The following ZCWPW2 variants were observed in gnomAD, a reference collection of about 807,000 sequenced individuals.
ZCWPW2 encodes the protein zinc finger CW-type PWWP domain protein 2.
ZCWPW2 carries 45 observed loss-of-function variants against 46.6 expected under a neutral mutation model. The ratio of observed to expected loss-of-function variants is 0.96; its 90% CI spans 0.76 to 1.24. The LOEUF (loss-of-function observed/expected upper bound fraction) is 1.24. ZCWPW2 is among the 50% of genes most tolerant of loss of function. The probability of loss-of-function intolerance (pLI) is 0.00; values close to 1 mark genes in which losing one functional copy is unlikely to be tolerated. For missense variants in ZCWPW2, 429 were observed against 403.9 expected (o/e 1.06, Z -0.53); for synonymous variants, 152 against 137.1 (o/e 1.11, Z -0.76).
At chr3:28,358,271 A>G in intron 1 of ZCWPW2, among the ~76,000 whole-genome samples, 1 of 152,042 alleles carries the variant, frequency 6.6e-6, no homozygotes, top group Non-Finnish European at 1.5e-5. Flanking sequence ...ACTCCTTAAC[A>G]TTTTTTAAAA....
rs570353215 is a variant in ZCWPW2 at position 28,409,364 on chromosome 3, C to T, written c.-13-3692C>T. ...TGAACTCCTGACCTCAAATGATTCA[C>T]CAGCTTCAGCCCCTCAAAGTGCTGG... On this transcript the variant is annotated intron_variant, in intron 2 of 9. Transcript: ENST00000383768. Among the ~76,000 whole-genome samples, 3 of 152,182 alleles carry T rather than the reference C, an allele frequency of 2.0e-5. No individual in the cohort carries two copies. The South Asian group carries it at 6.2e-4, about 32-fold the overall frequency.
rs191845158 is a variant in ZCWPW2 at position 28,473,582 on chromosome 3, A to G, written c.493-5232A>G. Among the ~76,000 whole-genome samples the G allele has an allele frequency of 7.2e-5, 11 of 152,316 alleles. 1 individual carries two copies. Among genetic ancestry groups the G allele is most frequent in the African/African-American group, 2.6e-4 (11 of 41,572 alleles). ...TTATTGAAGAGATAATCTACACTCT[A>G]ATGTTTATTGTAGCACTGTTCACAG... On this transcript the variant is annotated intron_variant, in intron 4 of 9. Transcript: ENST00000383768.
intron 2 of ZCWPW2, among the ~76,000 whole-genome samples, chr3:28,412,472 A>G (rs1447493765): frequency 6.6e-6 from 1 of 152,082 alleles, no homozygotes; most frequent in Non-Finnish European, 1.5e-5. Context: ...CATGCAATAT[A>G]TATACTCAAG....
At chr3:28,426,431 T>C (rs2125753878) in intron 3 of ZCWPW2, among the ~76,000 whole-genome samples, 1 of 152,138 alleles carries the variant, frequency 6.6e-6, no homozygotes, top group African/African-American at 2.4e-5. Flanking sequence ...GTCATAAATA[T>C]GAAAATTAAT....
At chr3:28,499,825 T>G (rs893404353) in intron 6 of ZCWPW2, among the ~76,000 whole-genome samples, 1 of 152,074 alleles carries the variant, frequency 6.6e-6, no homozygotes, top group Non-Finnish European at 1.5e-5. Context: ...TCTGATTGAT[T>G]TGTAGGCATA....
intron 2 of ZCWPW2, among the ~76,000 whole-genome samples, chr3:28,410,340 A>C (rs1696352704): frequency 6.6e-6 from 1 of 152,016 alleles, no homozygotes; most frequent in Non-Finnish European, 1.5e-5. Flanking sequence ...ACAATCATAA[A>C]ATTTTATTTA....
chr3:28,492,067 A>G, intron 5 of ZCWPW2, 60 bp from the exon 6 acceptor site: 3 of 1,494,914 alleles, frequency 2.0e-6, no homozygotes, highest in South Asian at 1.2e-5. Flanking sequence ...GTAATTCAGT[A>G]TTTATTTGAA....
intron 5 of ZCWPW2, among the ~76,000 whole-genome samples, chr3:28,483,983 T>G (rs1699513162): frequency 6.6e-6 from 1 of 152,176 alleles, no homozygotes; most frequent in Non-Finnish European, 1.5e-5. Context: ...ATTTATTGTC[T>G]TACTGCGTTA....
chr3:28,450,238 C>T (rs761920111), intron 4 of ZCWPW2, among the ~76,000 whole-genome samples: 6 of 152,128 alleles, frequency 3.9e-5, no homozygotes, highest in Non-Finnish European at 8.8e-5. Flanking sequence ...TTATAGCTTT[C>T]TGTTGGCTTT....
rs184539615 is a variant in ZCWPW2 at position 28,452,668 on chromosome 3, A to G, written c.492+17399A>G. 3.7e-3 allele frequency among the ~76,000 whole-genome samples: 559 copies of G among 152,306 alleles called. 2 individuals are homozygous for G. Among genetic ancestry groups the G allele is most frequent in the African/African-American group, 0.013 (541 of 41,566 alleles). ...ATATGAGTGTTAATTGAGATAATAC[A>G]TGTAAAGCATTTAGCATGTGCTTGT... On this transcript the variant is annotated intron_variant, in intron 4 of 9. Coordinates refer to ENST00000383768, the MANE Select transcript of ZCWPW2 (RefSeq NM_001040432.4).
chr3:28,443,249 C>T (rs1445451317), intron 4 of ZCWPW2, among the ~76,000 whole-genome samples: 1 of 152,122 alleles, frequency 6.6e-6, no homozygotes, highest in Non-Finnish European at 1.5e-5. Context: ...CTGATCATTT[C>T]CAGTGCACAG....
chr3:28,491,343 CA>C lies in ZCWPW2; in HGVS notation c.611-782del, dbSNP rs538626275. 1.2e-4 allele frequency among the ~76,000 whole-genome samples: 18 copies of C among 152,040 alleles called. No individual in the cohort carries two copies. In the South Asian group the frequency reaches 2.9e-3, roughly 25 times the overall value. On this transcript the variant is annotated intron_variant, in intron 5 of 9. Transcript: ENST00000383768. ...TATATTTTATGACAACAGTTGTAAC[CA>C]ATAGATACATATACACACATACATA...
In ZCWPW2 at chr3:28,502,109, C is replaced by T. The variant is rs370762771; in HGVS notation, c.657+9936C>T. Among the ~76,000 whole-genome samples, 271 of 152,188 alleles carry T rather than the reference C, an allele frequency of 1.8e-3. 1 individual carries two copies. The highest frequency in any genetic ancestry group is 6.1e-3 in the African/African-American group (255 of 41,552). On this transcript the variant is annotated intron_variant, in intron 6 of 9. Transcript: ENST00000383768. ...GCCTCCTTACAGAGCAGTATTAAAA[C>T]GCCCTTCCAGAGGGTGATTTTAACA...
chr3:28,455,058 A>G (rs982406156), intron 4 of ZCWPW2, among the ~76,000 whole-genome samples: 1 of 152,200 alleles, frequency 6.6e-6, no homozygotes, highest in African/African-American at 2.4e-5. Flanking sequence ...AGGAATCACC[A>G]CACTGTCTTC....
chr3:28,400,123 T>C (rs769120279), intron 2 of ZCWPW2, among the ~76,000 whole-genome samples: 6 of 152,062 alleles, frequency 3.9e-5, no homozygotes, highest in African/African-American at 9.7e-5. Flanking sequence ...GACACACTTA[T>C]AGAAATGCAA....
At chr3:28,434,119 C>T (rs1156513316) in intron 3 of ZCWPW2, among the ~76,000 whole-genome samples, 2 of 152,064 alleles carry the variant, frequency 1.3e-5, no homozygotes, top group Non-Finnish European at 2.9e-5. Flanking sequence ...GGAATTTTTA[C>T]AGTGATTATG....
At chr3:28,380,227 G>C (rs1211936499) in intron 1 of ZCWPW2, among the ~76,000 whole-genome samples, 1 of 151,762 alleles carries the variant, frequency 6.6e-6, no homozygotes. Context: ...CTCATGATCC[G>C]CCCACCTTGG....
chr3:28,449,185 A>G (rs927451041), intron 4 of ZCWPW2, among the ~76,000 whole-genome samples: 3 of 152,194 alleles, frequency 2.0e-5, no homozygotes, highest in Non-Finnish European at 4.4e-5. Flanking sequence ...GGCTAGTCAC[A>G]TGCAAAAAAC....
At chr3:28,412,948 TG>T in intron 2 of ZCWPW2, 107 bp from the exon 3 acceptor site, 1 of 766,262 alleles carries the variant, frequency 1.3e-6, no homozygotes, top group East Asian at 2.7e-5. Flanking sequence ...AGAGAGGGGG[TG>T]GGCATAGAAG....
Sources: allele counts gnomAD v4.1 joint callset (sites outside exome capture counted in the v4.1 genomes callset), GRCh38; gene constraint gnomAD v4.1.1; transcripts MANE v1.5; gene names NCBI Gene and HGNC (gene_info 2026-07-23, HGNC 2026-07-21).